Variants in RBM46 observed in about 807,000 individuals in gnomAD.
RBM46 encodes probable RNA-binding protein 46.
A neutral mutation model predicts 43.3 loss-of-function variants in RBM46; 12 were observed. The observed-to-expected ratio is 0.28, with a 90% CI of 0.18 to 0.45. RBM46 has a LOEUF of 0.45. Among genes scored for constraint, RBM46 ranks in the 20% least tolerant of loss-of-function variants. The pLI, the probability that RBM46 is intolerant of heterozygous loss-of-function variation, is 1.00. For missense variants in RBM46, 412 were observed against 639.1 expected (o/e 0.64, Z 3.83); for synonymous variants, 205 against 207.6 (o/e 0.99, Z 0.11).
At chr4:154,803,059 G>A (rs1052439884) in intron 4 of RBM46, among the ~76,000 whole-genome samples, 4 of 152,094 alleles carry the variant, frequency 2.6e-5, no homozygotes, top group Admixed American at 6.5e-5. Context: ...GAAAAAAAAT[G>A]TATGTCTTTT....
chr4:154,811,700 T>TGTGA (rs1186984712), intron 4 of RBM46, among the ~76,000 whole-genome samples: 3,715 of 150,110 alleles, frequency 0.025, 120 homozygotes, highest in East Asian at 0.14. Flanking sequence ...TGTGTGTGTG[T>TGTGA]GACAGAGTTT....
At chr4:154,826,682 A>T in intron 4 of RBM46, 1 of 797,116 alleles carries the variant, frequency 1.3e-6, no homozygotes, top group Non-Finnish European at 2.0e-6. Context: ...AAATTAGTTT[A>T]ATTAGAGTTT....
intron 4 of RBM46, chr4:154,826,841 T>C (rs1735988988): frequency 9.2e-6 from 14 of 1,517,524 alleles, no homozygotes; most frequent in Non-Finnish European, 1.2e-5. Context: ...TTAAGTCCCA[T>C]GACAACATTA....
At chr4:154,800,441 G>GT (rs1734578643) in intron 4 of RBM46, among the ~76,000 whole-genome samples, 1 of 152,084 alleles carries the variant, frequency 6.6e-6, no homozygotes, top group Non-Finnish European at 1.5e-5. Context: ...TTAATTTCAT[G>GT]TTTTTCAAAA....
chr4:154,827,334 C>A (rs993216145), intron 4 of RBM46: 13 of 967,308 alleles, frequency 1.3e-5, no homozygotes, highest in Non-Finnish European at 1.6e-5. Flanking sequence ...AATGTTAAAT[C>A]AGTATGTTGA....
intron 4 of RBM46, among the ~76,000 whole-genome samples, chr4:154,822,293 T>C (rs565193611): frequency 1.5e-4 from 23 of 151,774 alleles, no homozygotes; most frequent in Admixed American, 2.6e-4. Context: ...CACTCTAGAT[T>C]AGTTTGCATT....
Position 154,799,394 on chromosome 4 carries a change from A to C in RBM46, c.1232A>C (p.Glu411Ala). The change falls in exon 4 of 5, where the codon GAA (glutamate) becomes GCA (alanine). Residue 411 changes from glutamate to alanine, a missense_variant. This residue lies in a region of RBM46 where 149 missense variants were observed against 156.3 expected (regional missense o/e 0.95). Coordinates refer to ENST00000281722, the MANE Select transcript of RBM46 (RefSeq NM_144979.5). Reference protein sequence around the residue: ...YCNKNNWAPPEYYLYSTTSQD... With the variant: ...YCNKNNWAPPAYYLYSTTSQD... Reference sequence around the variant, plus strand: ...AACAAAAATAACTGGGCACCACCAGAATATTATTTATATTCAACAACAAGT... The same window carrying C: ...AACAAAAATAACTGGGCACCACCAGCATATTATTTATATTCAACAACAAGT... The C allele has an allele frequency of 6.2e-7, 1 of 1,614,140 alleles. No individual in the cohort carries two copies. The highest frequency in any genetic ancestry group is 1.6e-4 in the Middle Eastern group (1 of 6,062).
rs932940966 is a variant in RBM46 at position 154,800,034 on chromosome 4, G to A, written c.1402+470G>A. Among the ~76,000 whole-genome samples the A allele has an allele frequency of 3.9e-5, 6 of 152,126 alleles. No homozygotes were observed. In the East Asian group the frequency reaches 1.2e-3, roughly 29 times the overall value. On this transcript the variant is annotated intron_variant, in intron 4 of 4. Coordinates refer to ENST00000281722, the MANE Select transcript of RBM46 (RefSeq NM_144979.5). ...GATCTGCCCGCCTCGGCCTCCCAAA[G>A]TGCTGGGATTACAGGCGTGAGCCAC...
chr4:154,788,970 GCTCT>G (rs1409220478), intron 1 of RBM46, among the ~76,000 whole-genome samples: 4 of 151,876 alleles, frequency 2.6e-5, no homozygotes, highest in Non-Finnish European at 5.9e-5. Context: ...ACATGATTTG[GCTCT>G]CTGTTTTTTA....
intron 4 of RBM46, among the ~76,000 whole-genome samples, chr4:154,826,130 C>T (rs1383595640): frequency 1.3e-5 from 2 of 148,460 alleles, no homozygotes; most frequent in Non-Finnish European, 3.0e-5. Flanking sequence ...CCAAACCCTT[C>T]AGGTGAAGTG....
chr4:154,827,914 T>A lies in RBM46; in HGVS notation c.1449T>A (p.Ser483Arg). ...CAATAAATAGTCTTTCCCCTGTTAG[T>A]GCTACCCTCTCTTCTGGGACTCCCA... is the stretch of plus-strand genomic sequence containing the variant. ...RSSINSLSPV[S>R]ATLSSGTPSV... The change falls in exon 5 of 5, where the codon AGT becomes AGA. Residue 483 changes from serine to arginine, a missense_variant. By Grantham distance (110) the Ser-to-Arg change is moderately radical. Around this residue, in one of 8 missense-constraint regions of RBM46, gnomAD observed 149 missense variants for 156.3 expected, o/e 0.95. Transcript: ENST00000281722. 3 of 1,614,026 alleles carry A rather than the reference T, an allele frequency of 1.9e-6. No homozygotes were observed. Among genetic ancestry groups the A allele is most frequent in the Non-Finnish European group, 2.5e-6 (3 of 1,179,918 alleles).
chr4:154,825,258 A>G (rs1014899707), intron 4 of RBM46, among the ~76,000 whole-genome samples: 8 of 152,128 alleles, frequency 5.3e-5, no homozygotes, highest in African/African-American at 1.9e-4. Context: ...ATATTTTCTG[A>G]AAATTAGAAT....
Position 154,783,634 on chromosome 4 carries a change from T to C in RBM46, c.-12+2198T>C, listed in dbSNP as rs139382639. Among the ~76,000 whole-genome samples the C allele has an allele frequency of 7.3e-3, 1,112 of 152,356 alleles. 11 individuals are homozygous for C. Among genetic ancestry groups the C allele is most frequent in the African/African-American group, 0.025 (1,052 of 41,586 alleles). On this transcript the variant is annotated intron_variant, in intron 1 of 4. Coordinates refer to ENST00000281722, the MANE Select transcript of RBM46 (RefSeq NM_144979.5). Reference sequence around the variant, plus strand: ...CTTAATTTGGACAAGAATATGTAGATATCTTTATCCTGAATTCAAACAGCA... The same window carrying C: ...CTTAATTTGGACAAGAATATGTAGACATCTTTATCCTGAATTCAAACAGCA...
chr4:154,786,969 G>A (rs1348647300), intron 1 of RBM46: 1 of 152,016 alleles, frequency 6.6e-6, no homozygotes, highest in Admixed American at 6.6e-5. Context: ...TAAATTATAA[G>A]AACCTAAAAG....
Position 154,808,532 on chromosome 4 carries a change from C to A in RBM46, c.1402+8968C>A, listed in dbSNP as rs552683773. Among the ~76,000 whole-genome samples, 25 of 152,068 alleles carry A rather than the reference C, an allele frequency of 1.6e-4. 1 individual carries two copies. The South Asian group carries it at 5.2e-3, about 31-fold the overall frequency. The stretch of plus-strand genomic sequence containing the variant: ...AGATTATGGGGTAAATGAATATCCA[C>A]AAAATTTGCAGCATATGTGCCATGT... On this transcript the variant is annotated intron_variant, in intron 4 of 4. Transcript: ENST00000281722.
chr4:154,828,330 C>T lies in RBM46; in HGVS notation c.*263C>T. On this transcript the variant is annotated 3_prime_UTR_variant, in exon 5 of 5. Coordinates refer to ENST00000281722, the MANE Select transcript of RBM46 (RefSeq NM_144979.5). ...ATTCTTTTTAAACTTCTAGGATTTT[C>T]TTCTACTTTCTGAGTGGGCAATAGA... The T allele has an allele frequency of 1.2e-5, 4 of 333,310 alleles. No individual in the cohort carries two copies. The highest frequency in any genetic ancestry group is 1.6e-5 in the Non-Finnish European group (3 of 184,266). 20.6% of individuals were successfully genotyped at this position (333,310 alleles called of 1,614,324 possible). A position where few individuals can be genotyped will look rare whatever the true frequency, so the allele number is the denominator to read the frequency against.
In RBM46 at chr4:154,798,785, C is replaced by T. The variant is rs1734472151; in HGVS notation, c.623C>T (p.Thr208Ile). The change falls in exon 4 of 5, where the codon ACA becomes ATA. Residue 208 changes from threonine to isoleucine, a missense_variant. Thr to Ile is a moderately conservative substitution (Grantham distance 89, BLOSUM62 -1). Transcript: ENST00000281722. ...AATTATTATTTTTTTTTTACAGGAACATTCCAACTATGGGGCCACACCATT... is the reference window on the plus strand; with the variant it reads ...AATTATTATTTTTTTTTTACAGGAATATTCCAACTATGGGGCCACACCATT... Reference protein sequence around the residue: ...AMARRKLIPGTFQLWGHTIQV... With the variant: ...AMARRKLIPGIFQLWGHTIQV... The T allele has an allele frequency of 1.4e-6, 2 of 1,459,392 alleles. No homozygotes were observed. The highest frequency in any genetic ancestry group is 1.8e-6 in the Non-Finnish European group (2 of 1,106,978). 90.4% of individuals were successfully genotyped at this position (1,459,392 alleles called of 1,614,324 possible).
chr4:154,826,287 G>A (rs1036634037), intron 4 of RBM46, among the ~76,000 whole-genome samples: 14 of 151,792 alleles, frequency 9.2e-5, no homozygotes, highest in Admixed American at 3.3e-4. Flanking sequence ...GTGAAACCCC[G>A]TCTCTACTAA....
chr4:154,786,682 A>C (rs1419816077), intron 1 of RBM46, among the ~76,000 whole-genome samples: 2 of 152,020 alleles, frequency 1.3e-5, no homozygotes, highest in African/African-American at 4.8e-5. Context: ...TAATCCCAGC[A>C]CTTTGGGAGG....
Sources: allele counts gnomAD v4.1 joint callset (sites outside exome capture counted in the v4.1 genomes callset), GRCh38; gene constraint gnomAD v4.1.1; regional missense constraint gnomAD v4.1.1; transcripts MANE v1.5; gene names NCBI Gene and HGNC (gene_info 2026-07-23, HGNC 2026-07-21).